SEMA4B: variants seen among roughly 807,000 people sequenced by gnomAD.
The protein encoded by SEMA4B is semaphorin 4B.
Under a neutral mutation model 88.1 loss-of-function variants are expected in SEMA4B, and 55 were observed. That is an observed-to-expected ratio of 0.62 (90% CI 0.50 to 0.78). The LOEUF (loss-of-function observed/expected upper bound fraction) is 0.78. Ranked by LOEUF, SEMA4B falls within the 30% of genes least tolerant of loss-of-function variation. The pLI, the probability that SEMA4B is intolerant of heterozygous loss-of-function variation, is 0.00. For missense variants in SEMA4B, 1,062 were observed against 1,111.9 expected, an observed-to-expected ratio of 0.96 and a Z score of 0.64; for synonymous variants, 525 against 473.6, an observed-to-expected ratio of 1.11 and a Z score of -1.41.
chr15:90,219,887 A>G lies in SEMA4B; in HGVS notation c.479A>G (p.Tyr160Cys). The G allele has an allele frequency of 6.2e-7, 1 of 1,610,778 alleles. No homozygotes were observed. The highest frequency in any genetic ancestry group is 8.5e-7 in the Non-Finnish European group (1 of 1,178,272). Residue 160 changes from tyrosine to cysteine, a missense_variant, in exon 4 of 14, where the codon TAC becomes TGC. Physicochemically the swap from Tyr to Cys is radical, Grantham distance 194. Coordinates refer to ENST00000411539, the MANE Select transcript of SEMA4B (RefSeq NM_198925.4). ...GTAAFSPMCT[Y>C]INMENFTLAR... is the part of the protein sequence containing the mutation. Reference sequence around the variant, plus strand: ...GCAGCCTTCAGCCCCATGTGTACCTACATCGTGAGTGACCTGTCCTCAGCC... The same window carrying G: ...GCAGCCTTCAGCCCCATGTGTACCTGCATCGTGAGTGACCTGTCCTCAGCC...
rs1960717098 is a variant in SEMA4B, at chr15:90,201,453, C to T, written c.-126C>T. 5 of 1,301,476 alleles carry T rather than the reference C, an allele frequency of 3.8e-6. No individual in the cohort carries two copies. The South Asian group carries it at 8.9e-5, about 23-fold the overall frequency. 80.6% of individuals were successfully genotyped at this position (1,301,476 alleles called of 1,614,324 possible). On this transcript the variant is annotated 5_prime_UTR_variant, in exon 1 of 14. Transcript: ENST00000411539. The stretch of plus-strand genomic sequence containing the variant: ...TGACCCTGTTTCCCACCTCCCGCCC[C>T]CCAGGTCCGGAGGCGGGGGCCCCCG...
rs760728599 is a variant in SEMA4B, at chr15:90,228,475, C to G, written c.2346C>G (p.Leu782=). 1.2e-6 allele frequency: 2 copies of G among 1,609,666 alleles called. No individual in the cohort carries two copies. The highest frequency in any genetic ancestry group is 4.5e-5 in the East Asian group (2 of 44,720). ...LNGLGPPSTP[L]DHRGYQSLSD... The stretch of plus-strand genomic sequence containing the variant: ...GCCTAGGGCCCCCTAGCACCCCGCT[C>G]GATCACCGAGGGTACCAGTCCCTGT... The change falls in exon 14 of 14, where the codon CTC becomes CTG. Residue 782 remains leucine, a synonymous_variant. Transcript: ENST00000411539.
chr15:90,197,675 G>A (rs1960556836), upstream of SEMA4B, among the ~76,000 whole-genome samples: 1 of 151,846 alleles, frequency 6.6e-6, no homozygotes, highest in African/African-American at 2.4e-5. Flanking sequence ...CTGACCTCAT[G>A]ATCCGCGCAC....
chr15:90,185,088 G>C, intron 1 of SEMA4B: 1 of 983,210 alleles, frequency 1.0e-6, no homozygotes, highest in East Asian at 1.1e-4. Context: ...CCAGGTAGGC[G>C]CGGGGGGTGC....
intron 1 of SEMA4B, among the ~76,000 whole-genome samples, chr15:90,188,116 C>T (rs1267142490): frequency 4.6e-5 from 7 of 150,564 alleles, no homozygotes; most frequent in South Asian, 4.2e-4. Flanking sequence ...TCCAGGAGTT[C>T]GAGACCAGCC....
In SEMA4B at chr15:90,201,527, G is replaced by A. The variant is rs1290219301; in HGVS notation, c.-52G>A. ...GGGCGGAGCTGCCGCCCGTGAGTCC[G>A]GCCGAGCCACCTGAGCCCGAGCCGC... On this transcript the variant is annotated 5_prime_UTR_variant, in exon 1 of 14. Transcript: ENST00000411539. 1 of 1,350,864 alleles carries A rather than the reference G, an allele frequency of 7.4e-7. No homozygotes were observed. Among genetic ancestry groups the A allele is most frequent in the Non-Finnish European group, 9.5e-7 (1 of 1,056,448 alleles). 83.7% of individuals were successfully genotyped at this position (1,350,864 alleles called of 1,614,324 possible). A position where few individuals can be genotyped will look rare whatever the true frequency, so the allele number is the denominator to read the frequency against.
rs1003811537 is a variant in SEMA4B at position 90,190,018 on chromosome 15, G to A, written c.-122+4937G>A. Among the ~76,000 whole-genome samples the A allele has an allele frequency of 7.9e-5, 12 of 152,316 alleles. 1 individual carries two copies. Among genetic ancestry groups the A allele is most frequent in the East Asian group, 7.7e-4 (4 of 5,190 alleles). ...GCTAGAGATAAGCACATGTGGCCCC[G>A]TGGGTGCGTCCTCTTAGAGCCCACT... is the stretch of plus-strand genomic sequence containing the variant. On this transcript the variant is annotated intron_variant, in intron 1 of 14. Transcript: ENST00000332496.
At chr15:90,194,802 A>T (rs1349438694) in intron 1 of SEMA4B, among the ~76,000 whole-genome samples, 1 of 152,204 alleles carries the variant, frequency 6.6e-6, no homozygotes, top group African/African-American at 2.4e-5. Flanking sequence ...TGCCAGTCAC[A>T]TTCATGTTCT....
chr15:90,222,987 T>G (rs1961943678), intron 7 of SEMA4B, among the ~76,000 whole-genome samples: 1 of 150,652 alleles, frequency 6.6e-6, no homozygotes, highest in African/African-American at 2.5e-5. Flanking sequence ...TTTTTCCTTT[T>G]TGAGACAGGG....
At chr15:90,186,793 C>T (rs1004591046) in intron 1 of SEMA4B, among the ~76,000 whole-genome samples, 3 of 151,880 alleles carry the variant, frequency 2.0e-5, no homozygotes, top group South Asian at 2.1e-4. Context: ...ATTAGCCAGA[C>T]GTGGTGGTGG....
In SEMA4B at chr15:90,218,011, C is replaced by T. The variant is rs751077534; in HGVS notation, c.384+182C>T. On this transcript the variant is annotated intron_variant, in intron 3 of 13. Coordinates refer to ENST00000411539, the MANE Select transcript of SEMA4B (RefSeq NM_198925.4). ...ACTACACTTACATCGCTACGACCTTCGACAAGTAGATTCACCTGTCTAAGC... is the reference window on the plus strand; with the variant it reads ...ACTACACTTACATCGCTACGACCTTTGACAAGTAGATTCACCTGTCTAAGC... 1.7e-4 allele frequency: 96 copies of T among 568,088 alleles called. 1 individual carries two copies. Among genetic ancestry groups the T allele is most frequent in the Non-Finnish European group, 2.6e-4 (82 of 315,664 alleles). The allele number at this position is 568,088 out of a possible 1,614,324, so 35.2% of individuals were successfully genotyped here. A position where few individuals can be genotyped will look rare whatever the true frequency, so the allele number is the denominator to read the frequency against.
chr15:90,196,782 C>T (rs145581948), upstream of SEMA4B, among the ~76,000 whole-genome samples: 794 of 152,304 alleles, frequency 5.2e-3, 13 homozygotes, highest in African/African-American at 0.018. Flanking sequence ...CCACTGCACC[C>T]GGCCTCTTCT....
At position 90,225,068 on chromosome 15, in the gene SEMA4B, A is replaced by C; in HGVS notation, c.1295A>C (p.Gln432Pro). Residue 432 changes from glutamine to proline, a missense_variant, in exon 10 of 14, where the codon CAG (glutamine) becomes CCG (proline). Transcript: ENST00000411539. ...AAGGACCACTTCCTGATGGACGGGC[A>C]GGTCCGAAGCCGCATGCTGCTGCTG... ...FLKDHFLMDG[Q>P]VRSRMLLLQP... 3.1e-6 allele frequency: 5 copies of C among 1,613,866 alleles called. No homozygotes were observed. The highest frequency in any genetic ancestry group is 4.2e-6 in the Non-Finnish European group (5 of 1,179,830).
At chr15:90,224,100 C>G in intron 9 of SEMA4B, 112 bp downstream of exon 9, 2 of 1,018,796 alleles carry the variant, frequency 2.0e-6, no homozygotes, top group Non-Finnish European at 2.8e-6. Flanking sequence ...TTCTCTGAAT[C>G]TCTTTTCTCA....
intron 3 of SEMA4B, chr15:90,219,311 G>A: frequency 6.6e-6 from 1 of 152,486 alleles, no homozygotes; most frequent in Non-Finnish European, 1.5e-5. Flanking sequence ...ATCTCGGGGG[G>A]AAGCATGTGT....
chr15:90,187,323 A>G (rs1960194405), intron 1 of SEMA4B, among the ~76,000 whole-genome samples: 1 of 152,248 alleles, frequency 6.6e-6, no homozygotes, highest in African/African-American at 2.4e-5. Flanking sequence ...AGTGGGGGAA[A>G]AGATCCAGGA....
intron 1 of SEMA4B, chr15:90,207,021 G>A: frequency 2.4e-6 from 1 of 415,222 alleles, no homozygotes; most frequent in Non-Finnish European, 4.5e-6. Flanking sequence ...GCCCACAGCG[G>A]CTCTATACTT....
At chr15:90,194,775 C>T (rs981472205) in intron 1 of SEMA4B, among the ~76,000 whole-genome samples, 3 of 152,188 alleles carry the variant, frequency 2.0e-5, no homozygotes, top group Non-Finnish European at 4.4e-5. Context: ...AACTCTTCAC[C>T]TATATTGACC....
intron 4 of SEMA4B, among the ~76,000 whole-genome samples, chr15:90,220,670 G>A (rs531327465): frequency 6.6e-6 from 1 of 152,134 alleles, no homozygotes; most frequent in South Asian, 2.1e-4. Flanking sequence ...CGCCCGGCCA[G>A]GCTCACATCA....
Sources: allele counts gnomAD v4.1 joint callset (sites outside exome capture counted in the v4.1 genomes callset), GRCh38; gene constraint gnomAD v4.1.1; transcripts MANE v1.5; gene names NCBI Gene and HGNC (gene_info 2026-07-23, HGNC 2026-07-21).